The following TBL1XR1 variants were observed in gnomAD, a reference collection of about 807,000 sequenced individuals.
TBL1XR1 encodes the protein F-box-like/WD repeat-containing protein TBL1XR1.
TBL1XR1 carries 5 observed loss-of-function variants against 66.9 expected under a neutral mutation model. That is an observed-to-expected ratio of 0.07 (90% CI 0.04 to 0.16). The LOEUF is 0.16. TBL1XR1 is among the 10% of genes least tolerant of loss of function. TBL1XR1 has a pLI of 1.00. For synonymous variants in TBL1XR1, 210 were observed against 206.0 expected, an observed-to-expected ratio of 1.02 and a Z score of -0.17; for missense variants, 238 against 623.2, an observed-to-expected ratio of 0.38 and a Z score of 6.58.
chr3:177,195,338 T>C (rs1011251719), intron 1 of TBL1XR1, among the ~76,000 whole-genome samples: 4 of 151,548 alleles, frequency 2.6e-5, no homozygotes, highest in African/African-American at 9.7e-5. Context: ...TTTCTAGAAC[T>C]CTCAACTATT....
intron 1 of TBL1XR1, among the ~76,000 whole-genome samples, chr3:177,195,859 C>T (rs1167316145): frequency 6.6e-6 from 1 of 152,180 alleles, no homozygotes; most frequent in Admixed American, 6.6e-5. Flanking sequence ...CCTAAGTCAA[C>T]TGTAAATCAC....
Position 177,059,407 on chromosome 3 carries a change from C to A in TBL1XR1, c.59-5489G>T, listed in dbSNP as rs77136091. Among the ~76,000 whole-genome samples the A allele has an allele frequency of 6.2e-4, 94 of 152,258 alleles. No individual in the cohort carries two copies. In the East Asian group the frequency reaches 0.018, roughly 28 times the overall value. ...TGTTACATGGTAGTACAGGTCAGAG[C>A]TTTAATGTTATACATAAAGGTTAGT... is the stretch of plus-strand genomic sequence containing the variant. On this transcript the variant is annotated intron_variant, in intron 3 of 15. Coordinates refer to ENST00000457928, the MANE Select transcript of TBL1XR1 (RefSeq NM_024665.7).
chr3:177,071,467 TA>T (rs1720003336), intron 2 of TBL1XR1, among the ~76,000 whole-genome samples: 1 of 152,176 alleles, frequency 6.6e-6, no homozygotes, highest in East Asian at 1.9e-4. Flanking sequence ...GACTAGTAAG[TA>T]AATCAAAACT....
intron 1 of TBL1XR1, among the ~76,000 whole-genome samples, chr3:177,137,623 T>C (rs1294751922): frequency 2.0e-5 from 3 of 152,224 alleles, no homozygotes; most frequent in Non-Finnish European, 4.4e-5. Flanking sequence ...ATGTATCTAC[T>C]GCTCCTCCTT....
chr3:177,032,749 A>T, intron 14 of TBL1XR1: 2 of 367,890 alleles, frequency 5.4e-6, no homozygotes, highest in Non-Finnish European at 9.6e-6. Flanking sequence ...GGAAAAAAAC[A>T]AAAGAATACA....
chr3:177,136,468 C>CAGG (rs1210732144), intron 1 of TBL1XR1, among the ~76,000 whole-genome samples: 1 of 152,170 alleles, frequency 6.6e-6, no homozygotes, highest in East Asian at 1.9e-4. Context: ...TTAGTAGAGA[C>CAGG]AGGGTTTCAC....
At chr3:177,095,064 A>G (rs1009352586) in intron 2 of TBL1XR1, among the ~76,000 whole-genome samples, 1 of 152,144 alleles carries the variant, frequency 6.6e-6, no homozygotes, top group African/African-American at 2.4e-5. Context: ...ATAATGTCAC[A>G]GGCTACAATA....
intron 1 of TBL1XR1, among the ~76,000 whole-genome samples, chr3:177,117,492 A>G (rs1299460498): frequency 6.6e-6 from 1 of 152,210 alleles, no homozygotes; most frequent in Non-Finnish European, 1.5e-5. Flanking sequence ...TAGATATGAC[A>G]TCAAAATAAT....
At chr3:177,106,047 A>T (rs1577183333) in intron 1 of TBL1XR1, among the ~76,000 whole-genome samples, 2 of 152,304 alleles carry the variant, frequency 1.3e-5, no homozygotes, top group East Asian at 3.9e-4. Context: ...CAAACAAAAG[A>T]TAAACTCAAT....
At chr3:177,198,344 C>T (rs1293932515), upstream of TBL1XR1, among the ~76,000 whole-genome samples, 1 of 152,142 alleles carries the variant, frequency 6.6e-6, no homozygotes, top group African/African-American at 2.4e-5. Flanking sequence ...GAAAGGTTTG[C>T]TCGATCAGTT....
At chr3:177,098,395 T>G in intron 2 of TBL1XR1, 71 bp downstream of exon 2, 5 of 905,024 alleles carry the variant, frequency 5.5e-6, no homozygotes, top group Non-Finnish European at 6.6e-6. Flanking sequence ...GTGAGAAACT[T>G]TCAAAATTCT....
Position 177,098,475 on chromosome 3 carries a change from T to G in TBL1XR1, c.-55A>C. The G allele has an allele frequency of 1.0e-6, 1 of 985,750 alleles. No individual in the cohort carries two copies. The highest frequency in any genetic ancestry group is 1.2e-6 in the Non-Finnish European group (1 of 829,852). 61.1% of individuals were successfully genotyped at this position (985,750 alleles called of 1,614,324 possible). A position where few individuals can be genotyped will look rare whatever the true frequency, so the allele number is the denominator to read the frequency against. The stretch of plus-strand genomic sequence containing the variant: ...AGTTGGAGAGTCTTACCATTGGCAG[T>G]GCATTGATGTGGGGATGTGCAACTG... On this transcript the variant is annotated 5_prime_UTR_variant, in exon 2 of 16. Coordinates refer to ENST00000457928, the MANE Select transcript of TBL1XR1 (RefSeq NM_024665.7).
intron 1 of TBL1XR1, among the ~76,000 whole-genome samples, chr3:177,121,733 C>A (rs562552571): frequency 6.6e-6 from 1 of 152,260 alleles, no homozygotes; most frequent in African/African-American, 2.4e-5. Flanking sequence ...AACTCACAAT[C>A]CCATCGAGGC....
At chr3:177,163,266 G>A (rs1048482281) in intron 1 of TBL1XR1, among the ~76,000 whole-genome samples, 1 of 152,128 alleles carries the variant, frequency 6.6e-6, no homozygotes, top group Non-Finnish European at 1.5e-5. Context: ...CAGCACTTTG[G>A]GAGGCCAAGG....
intron 1 of TBL1XR1, among the ~76,000 whole-genome samples, chr3:177,121,585 G>C (rs1473618842): frequency 6.6e-6 from 1 of 152,018 alleles, no homozygotes; most frequent in Non-Finnish European, 1.5e-5. Context: ...ATGCATTAAC[G>C]TTCTCTTTAA....
intron 1 of TBL1XR1, among the ~76,000 whole-genome samples, chr3:177,193,374 G>T (rs189833032): frequency 2.0e-5 from 3 of 151,506 alleles, no homozygotes; most frequent in Non-Finnish European, 4.4e-5. Flanking sequence ...GCAATGGCGC[G>T]ATCTTGGCTC....
At chr3:177,061,187 A>G (rs1718470776) in intron 3 of TBL1XR1, among the ~76,000 whole-genome samples, 1 of 152,212 alleles carries the variant, frequency 6.6e-6, no homozygotes, top group Non-Finnish European at 1.5e-5. Context: ...TCCATCAAAT[A>G]TTTGAGGCTG....
intron 2 of TBL1XR1, among the ~76,000 whole-genome samples, chr3:177,080,320 A>AC (rs976806471): frequency 6.6e-6 from 1 of 152,150 alleles, no homozygotes; most frequent in African/African-American, 2.4e-5. Context: ...AGACCTATTC[A>AC]CCTTTGGCCA....
intron 9 of TBL1XR1, 40 bp downstream of exon 9, chr3:177,047,260 T>C: frequency 6.7e-7 from 1 of 1,485,070 alleles, no homozygotes. Flanking sequence ...AATTAAGCTC[T>C]GTAATACATT....
Sources: allele counts gnomAD v4.1 joint callset (sites outside exome capture counted in the v4.1 genomes callset), GRCh38; gene constraint gnomAD v4.1.1; transcripts MANE v1.5; gene names NCBI Gene and HGNC (gene_info 2026-07-23, HGNC 2026-07-21).